Variants in ACACB observed in about 807,000 individuals in gnomAD.
ACACB encodes acetyl-CoA carboxylase 2.
In ACACB, 209 loss-of-function variants were observed where a neutral mutation model predicts 278.8. The observed-to-expected ratio is 0.75, with a 90% confidence interval of 0.67 to 0.84. ACACB has a LOEUF of 0.84. Among genes scored for constraint, ACACB ranks in the 40% least tolerant of loss-of-function variants. The pLI is 0.00. For synonymous variants in ACACB, 1,174 were observed against 1,285.6 expected (o/e 0.91, Z 1.86); for missense variants, 2,850 against 3,269.0 (o/e 0.87, Z 3.13).
intron 21 of ACACB, among the ~76,000 whole-genome samples, chr12:109,211,185 T>C (rs1395367256): frequency 6.6e-6 from 1 of 151,810 alleles, no homozygotes; most frequent in South Asian, 2.1e-4. Flanking sequence ...CAGAGGACAG[T>C]GTAGTTCAGG....
intron 42 of ACACB, 97 bp from the exon 43 acceptor site, chr12:109,252,918 T>C: frequency 1.6e-6 from 2 of 1,228,264 alleles, no homozygotes; most frequent in Non-Finnish European, 2.2e-6. Context: ...GTGATTCTAA[T>C]GTGTAGCCAG....
intron 15 of ACACB, among the ~76,000 whole-genome samples, chr12:109,192,863 A>G (rs1197827405): frequency 2.0e-5 from 3 of 152,052 alleles, no homozygotes; most frequent in East Asian, 1.9e-4. Context: ...GGGTCTCACT[A>G]TGTTGCCCCC....
At chr12:109,210,532 T>A (rs938648812) in intron 21 of ACACB, among the ~76,000 whole-genome samples, 15 of 148,818 alleles carry the variant, frequency 1.0e-4, no homozygotes, top group Admixed American at 8.1e-4. Context: ...TGTATATGTG[T>A]ATATATACGT....
intron 44 of ACACB, among the ~76,000 whole-genome samples, chr12:109,255,024 C>G (rs1486636679): frequency 6.6e-6 from 1 of 152,142 alleles, no homozygotes; most frequent in African/African-American, 2.4e-5. Flanking sequence ...ATCTGCCTGC[C>G]TCAGCCTCCC....
At position 109,218,847 on chromosome 12, in the gene ACACB, C is replaced by A. The variant is rs184790699; in HGVS notation, c.3564+1927C>A. Among the ~76,000 whole-genome samples the A allele has an allele frequency of 4.0e-4, 60 of 151,778 alleles. 1 individual carries two copies. The highest frequency in any genetic ancestry group is 8.1e-4 in the Non-Finnish European group (55 of 67,968). On this transcript the variant is annotated intron_variant, in intron 24 of 52. Transcript: ENST00000338432. ...GCAGTGGCACGATCTCTGTTCACTG[C>A]AACCTCCACCTCCAGGGTTCAAGCA...
intron 13 of ACACB, among the ~76,000 whole-genome samples, chr12:109,191,230 T>TG (rs972737347): frequency 2.0e-5 from 3 of 147,766 alleles, no homozygotes; most frequent in Non-Finnish European, 3.0e-5. Flanking sequence ...TTTTTTTTTT[T>TG]GGAGACAGAG....
At chr12:109,133,292 G>A (rs1256976094) in intron 1 of ACACB, among the ~76,000 whole-genome samples, 4 of 151,554 alleles carry the variant, frequency 2.6e-5, no homozygotes, top group South Asian at 2.1e-4. Context: ...GTGCAGTGGC[G>A]TGATCTTGGC....
intron 1 of ACACB, among the ~76,000 whole-genome samples, chr12:109,123,427 C>G (rs950242150): frequency 1.3e-5 from 2 of 151,802 alleles, no homozygotes; most frequent in Non-Finnish European, 2.9e-5. Context: ...CGTGGTGGCT[C>G]ACATCTGTAA....
Position 109,201,587 on chromosome 12 carries a change from C to T in ACACB, c.2799C>T (p.Thr933=), listed in dbSNP as rs1033429986. The T allele has an allele frequency of 6.2e-7, 1 of 1,613,940 alleles. No homozygotes were observed. The highest frequency in any genetic ancestry group is 1.3e-5 in the African/African-American group (1 of 74,890). Residue 933 remains threonine, a synonymous_variant, in exon 19 of 53, where the codon ACC becomes ACT. Transcript: ENST00000338432. ...AATAGGTGATGAAGATGATCATGAC[C>T]CTGAACGTTCAGGAAAGAGGCCGGG... ...AEMEVMKMIM[T]LNVQERGRVK... is the part of the protein sequence containing the mutation.
At chr12:109,136,609 G>A (rs1391331099) in intron 1 of ACACB, among the ~76,000 whole-genome samples, 3 of 152,080 alleles carry the variant, frequency 2.0e-5, no homozygotes, top group African/African-American at 7.2e-5. Context: ...TATTATAAAT[G>A]GAATTGTTTT....
At chr12:109,245,781 G>C (rs1334343148) in intron 38 of ACACB, 33 bp downstream of exon 38, 4 of 1,606,906 alleles carry the variant, frequency 2.5e-6, no homozygotes, top group Non-Finnish European at 3.4e-6. Flanking sequence ...CCCCTGGCTG[G>C]AGTCACCCCC....
intron 19 of ACACB, among the ~76,000 whole-genome samples, chr12:109,204,928 C>T (rs2045454187): frequency 6.6e-6 from 1 of 152,108 alleles, no homozygotes; most frequent in Non-Finnish European, 1.5e-5. Flanking sequence ...CTCACTGCAA[C>T]CTCCACTTCC....
intron 1 of ACACB, among the ~76,000 whole-genome samples, chr12:109,137,317 T>G (rs897823327): frequency 1.3e-5 from 2 of 152,154 alleles, no homozygotes; most frequent in Non-Finnish European, 2.9e-5. Flanking sequence ...TGGGAAATAT[T>G]GAGAACTTTT....
chr12:109,169,405 T>TG (rs2044031607), intron 4 of ACACB, among the ~76,000 whole-genome samples: 1 of 152,186 alleles, frequency 6.6e-6, no homozygotes, highest in African/African-American at 2.4e-5. Context: ...CATCATGTGA[T>TG]GCGGGTGGGA....
intron 1 of ACACB, among the ~76,000 whole-genome samples, chr12:109,137,397 C>T (rs1435329813): frequency 6.6e-6 from 1 of 152,084 alleles, no homozygotes; most frequent in Non-Finnish European, 1.5e-5. Flanking sequence ...CAGTGTCTCA[C>T]GCCTGTAATC....
At chr12:109,238,448 A>G (rs1565958846) in intron 34 of ACACB, among the ~76,000 whole-genome samples, 2 of 110,018 alleles carry the variant, frequency 1.8e-5, no homozygotes, top group African/African-American at 2.9e-5. Flanking sequence ...AATATAACAT[A>G]TAATATACAT....
At chr12:109,135,168 C>T (rs1207325217) in intron 1 of ACACB, among the ~76,000 whole-genome samples, 1 of 152,176 alleles carries the variant, frequency 6.6e-6, no homozygotes, top group Non-Finnish European at 1.5e-5. Context: ...TACCTCTTCA[C>T]CAACACTTGT....
intron 40 of ACACB, 49 bp downstream of exon 40, chr12:109,247,752 A>G (rs1380993693): frequency 1.4e-6 from 2 of 1,448,414 alleles, no homozygotes; most frequent in Admixed American, 3.4e-5. Flanking sequence ...GGTTAATTTC[A>G]GCTGTCTTCT....
chr12:109,257,884 T>C (rs1412652606), intron 45 of ACACB, among the ~76,000 whole-genome samples: 1 of 152,226 alleles, frequency 6.6e-6, no homozygotes, highest in Admixed American at 6.5e-5. Flanking sequence ...TCAGTTTAAA[T>C]TGAACTAAGT....
Sources: gnomAD v4.1 joint callset for allele counts (sites outside exome capture counted in the v4.1 genomes callset) on GRCh38, gnomAD v4.1.1 for gene constraint, MANE v1.5 for transcripts, NCBI Gene and HGNC (gene_info 2026-07-23, HGNC 2026-07-21) for gene names.